The following PIK3R4 variants were observed in gnomAD, a reference collection of about 807,000 sequenced individuals.
PIK3R4 encodes the protein phosphoinositide-3-kinase regulatory subunit 4.
A neutral mutation model predicts 136.5 loss-of-function variants in PIK3R4; 46 were observed. The ratio of observed to expected loss-of-function variants is 0.34; its 90% CI spans 0.27 to 0.43. The LOEUF is 0.43. Among genes scored for constraint, PIK3R4 ranks in the 20% least tolerant of loss-of-function variants. The probability of loss-of-function intolerance (pLI) is 1.00; values close to 1 mark genes in which losing one functional copy is unlikely to be tolerated. For synonymous variants in PIK3R4, 557 were observed against 566.7 expected, an observed-to-expected ratio of 0.98 and a Z score of 0.24; for missense variants, 1,331 against 1,649.5, an observed-to-expected ratio of 0.81 and a Z score of 3.35.
At chr3:130,723,339 G>A in intron 7 of PIK3R4, 75 bp downstream of exon 7, 1 of 1,257,376 alleles carries the variant, frequency 8.0e-7, no homozygotes, top group South Asian at 1.4e-5. Flanking sequence ...CAATAAAGTT[G>A]CAATTCTTTA....
chr3:130,694,361 T>A (rs545165317), intron 13 of PIK3R4, among the ~76,000 whole-genome samples: 1 of 152,162 alleles, frequency 6.6e-6, no homozygotes, highest in South Asian at 2.1e-4. Flanking sequence ...CATCTGTACA[T>A]CGAGAGATCT....
At chr3:130,720,939 A>C (rs2066696299) in intron 7 of PIK3R4, among the ~76,000 whole-genome samples, 1 of 152,142 alleles carries the variant, frequency 6.6e-6, no homozygotes, top group African/African-American at 2.4e-5. Flanking sequence ...CGAGAGGATG[A>C]GGCCAGAAGA....
chr3:130,709,994 C>A (rs2066625754), intron 9 of PIK3R4, among the ~76,000 whole-genome samples: 1 of 152,024 alleles, frequency 6.6e-6, no homozygotes, highest in African/African-American at 2.4e-5. Flanking sequence ...AAGTTGTACA[C>A]TTTAAGAGTG....
At chr3:130,725,935 A>C (rs1333684626) in intron 6 of PIK3R4, 2 of 152,126 alleles carry the variant, frequency 1.3e-5, no homozygotes. Flanking sequence ...AGCCTATTTC[A>C]CACTGGATGG....
chr3:130,679,150 T>C lies in PIK3R4; in HGVS notation c.*165A>G. On this transcript the variant is annotated 3_prime_UTR_variant, in exon 20 of 20. Coordinates refer to ENST00000356763, the MANE Select transcript of PIK3R4 (RefSeq NM_014602.3). ...GAGATGCATAAGTAAACTAGTCAAG[T>C]ACATCTTAACCATTTTGGGTGTCAT... The C allele has an allele frequency of 2.5e-6, 1 of 401,882 alleles. No homozygotes were observed. The highest frequency in any genetic ancestry group is 4.4e-6 in the Non-Finnish European group (1 of 228,728). 24.9% of individuals were successfully genotyped at this position (401,882 alleles called of 1,614,324 possible).
chr3:130,734,831 G>A (rs1436433191), intron 3 of PIK3R4, among the ~76,000 whole-genome samples: 1 of 152,164 alleles, frequency 6.6e-6, no homozygotes, highest in African/African-American at 2.4e-5. Context: ...AGTCATTATT[G>A]AAATACAATA....
At chr3:130,684,509 AAAG>A in intron 15 of PIK3R4, 128 bp from the exon 16 acceptor site, 1 of 812,938 alleles carries the variant, frequency 1.2e-6, no homozygotes. Context: ...TACTTAAAAA[AAAG>A]TTTTGTTCTC....
At chr3:130,744,211 AC>A (rs1297701746) in intron 2 of PIK3R4, among the ~76,000 whole-genome samples, 5 of 152,224 alleles carry the variant, frequency 3.3e-5, no homozygotes, top group African/African-American at 1.2e-4. Flanking sequence ...TATATTATCC[AC>A]CAATATCCCT....
intron 2 of PIK3R4, among the ~76,000 whole-genome samples, chr3:130,742,424 G>A (rs1458161181): frequency 6.6e-6 from 1 of 152,158 alleles, no homozygotes; most frequent in East Asian, 1.9e-4. Flanking sequence ...CTAAGCTAAA[G>A]GATTACATAA....
At chr3:130,686,469 A>T in intron 14 of PIK3R4, 47 bp from the exon 15 acceptor site, 1 of 1,090,796 alleles carries the variant, frequency 9.2e-7, no homozygotes, top group Non-Finnish European at 1.4e-6. Flanking sequence ...CTGAAAACAT[A>T]GCACTAGTCT....
At chr3:130,711,716 C>T (rs2066633580) in intron 9 of PIK3R4, among the ~76,000 whole-genome samples, 1 of 152,122 alleles carries the variant, frequency 6.6e-6, no homozygotes, top group Non-Finnish European at 1.5e-5. Flanking sequence ...AAAAGCAAAG[C>T]TTAAAAGGAT....
chr3:130,681,481 G>C lies in PIK3R4; in HGVS notation c.3708+10C>G, dbSNP rs749457054. ...AATATCATCCTTTACAGTAAAAACT[G>C]AAGTCAAACCTGTAATTCAGAAAGT... On this transcript the variant is annotated intron_variant, in intron 17 of 19. Transcript: ENST00000356763. The C allele has an allele frequency of 2.0e-6, 3 of 1,522,134 alleles. No individual in the cohort carries two copies. The East Asian group carries it at 6.7e-5, about 34-fold the overall frequency. 94.3% of individuals were successfully genotyped at this position (1,522,134 alleles called of 1,614,324 possible). A position where few individuals can be genotyped will look rare whatever the true frequency, so the allele number is the denominator to read the frequency against.
intron 9 of PIK3R4, among the ~76,000 whole-genome samples, chr3:130,714,301 C>T (rs1184626382): frequency 6.6e-6 from 1 of 152,140 alleles, no homozygotes; most frequent in African/African-American, 2.4e-5. Context: ...TATTCAGCGA[C>T]TGTATTCTTT....
At chr3:130,681,457 A>C (rs2066457711) in intron 17 of PIK3R4, 34 bp downstream of exon 17, 1 of 1,241,118 alleles carries the variant, frequency 8.1e-7, no homozygotes. Flanking sequence ...GTGGGGAATA[A>C]TATCATCCTT....
chr3:130,721,451 T>C lies in PIK3R4; in HGVS notation c.1981+1963A>G, dbSNP rs183907397. Among the ~76,000 whole-genome samples, 47 of 152,272 alleles carry C rather than the reference T, an allele frequency of 3.1e-4. No individual in the cohort carries two copies. In the East Asian group the frequency reaches 7.9e-3, roughly 26 times the overall value. On this transcript the variant is annotated intron_variant, in intron 7 of 19. Transcript: ENST00000356763. ...TGTTGAAGGGATATCTGCAATCCCA[T>C]GTTCACTGCAGCATTATTCACAAGA...
chr3:130,738,972 A>G (rs1467909015), intron 2 of PIK3R4, among the ~76,000 whole-genome samples: 1 of 152,264 alleles, frequency 6.6e-6, no homozygotes, highest in African/African-American at 2.4e-5. Context: ...CAACCATCAT[A>G]ACAAAAATTC....
chr3:130,685,332 C>A (rs1276358425), intron 15 of PIK3R4, among the ~76,000 whole-genome samples: 1 of 152,086 alleles, frequency 6.6e-6, no homozygotes, highest in Non-Finnish European at 1.5e-5. Flanking sequence ...ATTTAATCAT[C>A]CCACAATTAA....
At chr3:130,723,041 T>C (rs113031601) in intron 7 of PIK3R4, among the ~76,000 whole-genome samples, 25,841 of 112,766 alleles carry the variant, frequency 0.23, 2,895 homozygotes, top group Admixed American at 0.41. Flanking sequence ...CCAGCCTGGG[T>C]GACAGAGTGA....
In PIK3R4 at chr3:130,679,560, G is replaced by A. The variant is rs1576447922; in HGVS notation, c.3907-75C>T. 6.3e-6 allele frequency: 6 copies of A among 945,642 alleles called. No individual in the cohort carries two copies. In the East Asian group the frequency reaches 1.5e-4, roughly 24 times the overall value. The allele number at this position is 945,642 out of a possible 1,614,324, so 58.6% of individuals were successfully genotyped here. On this transcript the variant is annotated intron_variant, in intron 19 of 19. Transcript: ENST00000356763. ...CATTTTTCCTCTCGTCAGTAGTCCT[G>A]CTTCTGAGATACTGTTGTTGTATTT...
Sources: gnomAD v4.1 joint callset for allele counts (sites outside exome capture counted in the v4.1 genomes callset) on GRCh38, gnomAD v4.1.1 for gene constraint, MANE v1.5 for transcripts, NCBI Gene and HGNC (gene_info 2026-07-23, HGNC 2026-07-21) for gene names.